Variants in AP3S1 observed in about 807,000 individuals in gnomAD.
AP3S1 encodes AP-3 complex subunit sigma-1.
In AP3S1, 12 loss-of-function variants were observed where a neutral mutation model predicts 21.3. The observed-to-expected ratio is 0.56, with a 90% CI of 0.36 to 0.91. AP3S1 has a LOEUF of 0.91. Ranked by LOEUF, AP3S1 falls within the 40% of genes least tolerant of loss-of-function variation. The pLI, the probability that AP3S1 is intolerant of heterozygous loss-of-function variation, is 0.01. For missense variants in AP3S1, 116 were observed against 225.0 expected (o/e 0.52, Z 3.10); for synonymous variants, 48 against 78.4 (o/e 0.61, Z 2.05).
intron 3 of AP3S1, among the ~76,000 whole-genome samples, chr5:115,890,931 C>T (rs1457101721): frequency 6.6e-6 from 1 of 152,120 alleles, no homozygotes; most frequent in Non-Finnish European, 1.5e-5. Flanking sequence ...ATTTTCCTCT[C>T]TTCACTCCTA....
chr5:115,883,217 C>A (rs905061811), intron 3 of AP3S1, among the ~76,000 whole-genome samples: 5 of 152,188 alleles, frequency 3.3e-5, no homozygotes, highest in Non-Finnish European at 7.3e-5. Context: ...GTGAACGGTT[C>A]TGTCTCACTG....
chr5:115,895,235 A>G, intron 4 of AP3S1, 77 bp downstream of exon 4: 1 of 969,456 alleles, frequency 1.0e-6, no homozygotes, highest in Non-Finnish European at 1.5e-6. Context: ...AATGGCTTTA[A>G]TGAATAATTC....
chr5:115,853,604 C>T, intron 1 of AP3S1, among the ~76,000 whole-genome samples: 1 of 152,128 alleles, frequency 6.6e-6, no homozygotes, highest in East Asian at 1.9e-4. Context: ...ATTCTTATAC[C>T]TAGGTCTGTG....
At chr5:115,844,262 T>A (rs1188580405) in intron 1 of AP3S1, among the ~76,000 whole-genome samples, 10 of 152,208 alleles carry the variant, frequency 6.6e-5, no homozygotes, top group Admixed American at 6.5e-4. Context: ...TTTTAAAATC[T>A]GAAGATGAAC....
intron 1 of AP3S1, among the ~76,000 whole-genome samples, chr5:115,864,028 A>G (rs1262741287): frequency 1.3e-5 from 2 of 152,230 alleles, no homozygotes; most frequent in Non-Finnish European, 2.9e-5. Context: ...CTACCACAAA[A>G]GATATTTTTT....
intron 5 of AP3S1, chr5:115,908,965 T>C (rs1262017655): frequency 1.0e-6 from 1 of 983,948 alleles, no homozygotes; most frequent in African/African-American, 1.7e-5. Flanking sequence ...TGGTGTTCTT[T>C]CACTTTGCTG....
chr5:115,913,181 C>T (rs1752236116), intron 5 of AP3S1, among the ~76,000 whole-genome samples, 181 bp from the exon 6 acceptor site: 1 of 152,118 alleles, frequency 6.6e-6, no homozygotes. Flanking sequence ...TAATGTGTCA[C>T]TGTTTTCTCT....
intron 3 of AP3S1, among the ~76,000 whole-genome samples, chr5:115,882,612 C>G (rs536084311): frequency 1.3e-5 from 2 of 152,174 alleles, no homozygotes; most frequent in Admixed American, 1.3e-4. Flanking sequence ...CCAGCCAGAG[C>G]TCTCCTGTAT....
chr5:115,891,518 T>C (rs1750298164), intron 3 of AP3S1, among the ~76,000 whole-genome samples: 1 of 152,142 alleles, frequency 6.6e-6, no homozygotes, highest in South Asian at 2.1e-4. Context: ...TTGATTAATT[T>C]CTCAGAGCAC....
In AP3S1 at chr5:115,852,427, G is replaced by T. The variant is rs191715991; in HGVS notation, c.69+10321G>T. On this transcript the variant is annotated intron_variant, in intron 1 of 5. Transcript: ENST00000316788. The stretch of plus-strand genomic sequence containing the variant: ...CCCCAGCTTCTTTCATTTTCTCTGA[G>T]AAATTAGCTAACCTTTTAAAAAAAA... Among the ~76,000 whole-genome samples the T allele has an allele frequency of 2.5e-3, 381 of 152,052 alleles. 3 individuals carry two copies. Among genetic ancestry groups the T allele is most frequent in the African/African-American group, 8.7e-3 (360 of 41,466 alleles).
At chr5:115,895,311 G>T (rs562087761) in intron 4 of AP3S1, 153 bp downstream of exon 4, 132 of 538,164 alleles carry the variant, frequency 2.5e-4, no homozygotes, top group Non-Finnish European at 3.9e-4. Flanking sequence ...TTTGTGCTTG[G>T]TGGAGAAGAT....
intron 3 of AP3S1, among the ~76,000 whole-genome samples, chr5:115,880,873 G>T (rs75806028): frequency 6.6e-6 from 1 of 152,124 alleles, no homozygotes; most frequent in East Asian, 1.9e-4. Context: ...TTATGAATCT[G>T]GGTGCTCCTG....
chr5:115,861,739 G>T (rs1580642553), intron 1 of AP3S1, among the ~76,000 whole-genome samples: 1 of 151,796 alleles, frequency 6.6e-6, no homozygotes, highest in East Asian at 1.9e-4. Context: ...TAGAGACAGG[G>T]TTTTGCCATG....
At chr5:115,858,145 C>G (rs1255406592) in intron 1 of AP3S1, among the ~76,000 whole-genome samples, 2 of 152,104 alleles carry the variant, frequency 1.3e-5, no homozygotes, top group African/African-American at 4.8e-5. Context: ...GTTGGACCTC[C>G]TATTGCTTCA....
chr5:115,911,078 A>C (rs938414363), intron 5 of AP3S1, among the ~76,000 whole-genome samples: 1 of 152,130 alleles, frequency 6.6e-6, no homozygotes, highest in African/African-American at 2.4e-5. Context: ...TATTTAAATC[A>C]ATTGCTATAT....
At chr5:115,880,801 GTTAAACTCTCCCACTATTA>G (rs1749209885) in intron 3 of AP3S1, among the ~76,000 whole-genome samples, 1 of 152,084 alleles carries the variant, frequency 6.6e-6, no homozygotes, top group African/African-American at 2.4e-5. Flanking sequence ...ACAATGGGGT[GTTAAACTCTCCCACTATTA>G]TGTGGGAGTC....
intron 1 of AP3S1, among the ~76,000 whole-genome samples, chr5:115,845,241 G>A (rs1030375788): frequency 6.6e-6 from 1 of 152,154 alleles, no homozygotes; most frequent in Non-Finnish European, 1.5e-5. Context: ...ATACTGGCAG[G>A]ATGCTGAGGT....
chr5:115,913,392 G>A lies in AP3S1; in HGVS notation c.484G>A (p.Val162Ile). The stretch of plus-strand genomic sequence containing the variant: ...CTTAGCAGGAGCTCCAGCCCGTGCT[G>A]TATCAGCTGTAAAGAATATGAATCT... Reference protein sequence around the residue: ...AGLAGAPARAVSAVKNMNLPE... With the variant: ...AGLAGAPARAISAVKNMNLPE... Residue 162 changes from valine (V) to isoleucine (I), a missense_variant, in exon 6 of 6, where the codon GTA (valine) becomes ATA (isoleucine). Val to Ile is a conservative substitution (Grantham distance 29). Coordinates refer to ENST00000316788, the MANE Select transcript of AP3S1 (RefSeq NM_001284.4). The A allele has an allele frequency of 1.2e-6, 2 of 1,613,974 alleles. No homozygotes were observed. The highest frequency in any genetic ancestry group is 1.1e-5 in the South Asian group (1 of 91,078).
intron 3 of AP3S1, among the ~76,000 whole-genome samples, chr5:115,889,595 C>CT (rs1750103549): frequency 6.6e-6 from 1 of 152,124 alleles, no homozygotes; most frequent in African/African-American, 2.4e-5. Flanking sequence ...TCCAAGGGCA[C>CT]TGTTAGGAGA....
Sources: allele counts gnomAD v4.1 joint callset (sites outside exome capture counted in the v4.1 genomes callset), GRCh38; gene constraint gnomAD v4.1.1; transcripts MANE v1.5; gene names NCBI Gene and HGNC (gene_info 2026-07-23, HGNC 2026-07-21).